The following CSMD1 variants were observed in gnomAD, a reference collection of about 807,000 sequenced individuals.
The protein encoded by CSMD1 is CUB and Sushi multiple domains 1.
Under a neutral mutation model 417.5 loss-of-function variants are expected in CSMD1, and 213 were observed. The observed-to-expected ratio is 0.51, with a 90% CI of 0.46 to 0.57. The LOEUF is 0.57. CSMD1 is among the 20% of genes least tolerant of loss of function. The pLI is 0.00. For synonymous variants in CSMD1, 2,862 were observed against 1,736.8 expected, an observed-to-expected ratio of 1.65 and a Z score of -16.11; for missense variants, 6,923 against 4,529.7, an observed-to-expected ratio of 1.53 and a Z score of -15.17.
chr8:3,071,980 A>T (rs534282312), intron 49 of CSMD1, among the ~76,000 whole-genome samples: 21 of 152,332 alleles, frequency 1.4e-4, no homozygotes, highest in African/African-American at 5.1e-4. Context: ...AGAAATGCGC[A>T]TGTATAATCC....
intron 5 of CSMD1, among the ~76,000 whole-genome samples, chr8:3,948,018 C>T (rs1183746422): frequency 2.0e-5 from 3 of 152,120 alleles, no homozygotes; most frequent in African/African-American, 4.8e-5. Flanking sequence ...CCAGCCTGGC[C>T]AACATGGTAA....
At chr8:3,341,792 T>G (rs1420191526) in intron 23 of CSMD1, among the ~76,000 whole-genome samples, 1 of 152,204 alleles carries the variant, frequency 6.6e-6, no homozygotes, top group Non-Finnish European at 1.5e-5. Context: ...CCCACAGGCT[T>G]TTCAAACAGT....
At chr8:4,268,483 T>C (rs548779150) in intron 3 of CSMD1, among the ~76,000 whole-genome samples, 1 of 152,182 alleles carries the variant, frequency 6.6e-6, no homozygotes, top group Non-Finnish European at 1.5e-5. Context: ...CTTACGTTTC[T>C]AAGTATTTTG....
chr8:3,511,653 G>A (rs368648389), intron 10 of CSMD1, among the ~76,000 whole-genome samples: 3 of 149,706 alleles, frequency 2.0e-5, no homozygotes, highest in African/African-American at 5.1e-5. Context: ...AGCTACTCAG[G>A]AGGCAAAGGC....
At chr8:4,252,188 T>C (rs1044627015) in intron 3 of CSMD1, among the ~76,000 whole-genome samples, 3 of 152,110 alleles carry the variant, frequency 2.0e-5, no homozygotes, top group Non-Finnish European at 2.9e-5. Flanking sequence ...GGGAGATGGA[T>C]AAAAAAGCTT....
chr8:4,161,865 A>G (rs1797191416), intron 3 of CSMD1, among the ~76,000 whole-genome samples: 1 of 152,154 alleles, frequency 6.6e-6, no homozygotes, highest in African/African-American at 2.4e-5. Context: ...ATAGAATTTA[A>G]TTCTTTTAGA....
intron 2 of CSMD1, among the ~76,000 whole-genome samples, chr8:4,593,040 G>T (rs919069201): frequency 6.6e-6 from 1 of 152,098 alleles, no homozygotes; most frequent in African/African-American, 2.4e-5. Flanking sequence ...ATGCTGGAGG[G>T]GTTTGTAAAT....
At chr8:3,634,943 T>G (rs1796959557) in intron 7 of CSMD1, among the ~76,000 whole-genome samples, 1 of 152,136 alleles carries the variant, frequency 6.6e-6, no homozygotes, top group Non-Finnish European at 1.5e-5. Flanking sequence ...ACACCACATG[T>G]GACTGTACTG....
intron 50 of CSMD1, among the ~76,000 whole-genome samples, chr8:3,037,266 C>T (rs950095588): frequency 1.2e-4 from 18 of 150,450 alleles, no homozygotes; most frequent in African/African-American, 3.9e-4. Context: ...AGTGCAGTGG[C>T]GGGATCTCGG....
intron 3 of CSMD1, among the ~76,000 whole-genome samples, chr8:4,093,229 G>C (rs891551311): frequency 1.1e-4 from 17 of 150,756 alleles, no homozygotes; most frequent in African/African-American, 3.9e-4. Flanking sequence ...ATTTACCTAT[G>C]TTTACATAAT....
At chr8:3,320,733 C>T (rs918798590) in intron 23 of CSMD1, among the ~76,000 whole-genome samples, 1 of 152,180 alleles carries the variant, frequency 6.6e-6, no homozygotes, top group Non-Finnish European at 1.5e-5. Flanking sequence ...TGCCATCCAT[C>T]AGCCTAACTG....
intron 1 of CSMD1, among the ~76,000 whole-genome samples, chr8:4,925,215 GTTTTTT>G (rs10692207): frequency 9.6e-5 from 7 of 72,742 alleles, no homozygotes; most frequent in Middle Eastern, 0.017. Flanking sequence ...CAGTTTTATG[GTTTTTT>G]TTTTTTTTTT....
intron 6 of CSMD1, among the ~76,000 whole-genome samples, chr8:3,728,800 C>A (rs1802645384): frequency 6.6e-6 from 1 of 152,226 alleles, no homozygotes; most frequent in South Asian, 2.1e-4. Context: ...TTATTCAGCA[C>A]ATTGACTGAT....
chr8:4,412,961 A>G (rs17070170), intron 3 of CSMD1, among the ~76,000 whole-genome samples: 4,371 of 152,322 alleles, frequency 0.029, 101 homozygotes, highest in African/African-American at 0.066. Context: ...TGTATCATCA[A>G]TGGACAGAAG....
chr8:3,091,811 A>C, intron 47 of CSMD1, 149 bp from the exon 48 acceptor site: 1 of 609,762 alleles, frequency 1.6e-6, no homozygotes, highest in Non-Finnish European at 2.7e-6. Context: ...CCAAATGGCT[A>C]TAGTGACAGA....
At chr8:3,608,298 A>G (rs911654451) in intron 8 of CSMD1, among the ~76,000 whole-genome samples, 1 of 152,126 alleles carries the variant, frequency 6.6e-6, no homozygotes, top group Non-Finnish European at 1.5e-5. Context: ...CTGTGGCCAC[A>G]TGGAGCTCTT....
intron 2 of CSMD1, among the ~76,000 whole-genome samples, chr8:4,468,811 T>A (rs745598129): frequency 6.6e-6 from 1 of 152,160 alleles, no homozygotes; most frequent in Non-Finnish European, 1.5e-5. Context: ...TCAATAATTA[T>A]TGTATTGAAT....
intron 1 of CSMD1, among the ~76,000 whole-genome samples, chr8:4,694,797 C>A (rs1003110017): frequency 1.3e-5 from 2 of 152,130 alleles, no homozygotes; most frequent in Non-Finnish European, 2.9e-5. Context: ...GCGTCCTTAA[C>A]CTTGGCAAAA....
intron 3 of CSMD1, among the ~76,000 whole-genome samples, chr8:4,147,233 C>A (rs1469901423): frequency 1.3e-5 from 2 of 152,152 alleles, no homozygotes; most frequent in African/African-American, 4.8e-5. Context: ...CATGATTTGA[C>A]TGCTGCCTAC....
Sources: gnomAD v4.1 joint callset for allele counts (sites outside exome capture counted in the v4.1 genomes callset) on GRCh38, gnomAD v4.1.1 for gene constraint, MANE v1.5 for transcripts, NCBI Gene and HGNC (gene_info 2026-07-23, HGNC 2026-07-21) for gene names.